The following CSMD1 variants were observed in gnomAD, a reference collection of about 807,000 sequenced individuals.
The protein encoded by CSMD1 is CUB and sushi domain-containing protein 1.
Under a neutral mutation model 417.5 loss-of-function variants are expected in CSMD1, and 213 were observed. The ratio of observed to expected loss-of-function variants is 0.51; its 90% confidence interval spans 0.46 to 0.57. CSMD1 has a LOEUF of 0.57. Among genes scored for constraint, CSMD1 ranks in the 20% least tolerant of loss-of-function variants. The pLI, the probability that CSMD1 is intolerant of heterozygous loss-of-function variation, is 0.00. For synonymous variants in CSMD1, 2,862 were observed against 1,736.8 expected (o/e 1.65, Z -16.11); for missense variants, 6,923 against 4,529.7 (o/e 1.53, Z -15.17).
chr8:4,003,549 G>C (rs1313374996), intron 4 of CSMD1, among the ~76,000 whole-genome samples: 2 of 151,962 alleles, frequency 1.3e-5, no homozygotes, highest in Admixed American at 6.6e-5. Context: ...ACAAACACAG[G>C]TGAAGTTTCA....
At chr8:4,315,985 T>C (rs1213134877) in intron 3 of CSMD1, among the ~76,000 whole-genome samples, 9 of 152,178 alleles carry the variant, frequency 5.9e-5, no homozygotes, top group Admixed American at 4.6e-4. Flanking sequence ...AATGTCATCT[T>C]TTATTCTTTT....
chr8:3,295,307 T>C (rs1803885010), intron 25 of CSMD1, among the ~76,000 whole-genome samples: 1 of 151,854 alleles, frequency 6.6e-6, no homozygotes, highest in East Asian at 1.9e-4. Context: ...TTGTATTTTT[T>C]AGTAGACACG....
intron 3 of CSMD1, among the ~76,000 whole-genome samples, chr8:4,162,378 T>C (rs1797225436): frequency 6.6e-6 from 1 of 152,222 alleles, no homozygotes; most frequent in Admixed American, 6.5e-5. Context: ...CAAATGTTTT[T>C]TGGTTTTATC....
At chr8:4,232,052 G>T (rs998956149) in intron 3 of CSMD1, among the ~76,000 whole-genome samples, 7 of 152,144 alleles carry the variant, frequency 4.6e-5, no homozygotes, top group Non-Finnish European at 5.9e-5. Context: ...ATACTATGAG[G>T]TGTTAGAAGA....
intron 5 of CSMD1, among the ~76,000 whole-genome samples, chr8:3,977,765 A>C (rs1190165762): frequency 6.6e-6 from 1 of 152,226 alleles, no homozygotes; most frequent in African/African-American, 2.4e-5. Context: ...ATCTGCATGT[A>C]TGCTTAGTTA....
intron 3 of CSMD1, among the ~76,000 whole-genome samples, chr8:4,184,654 A>T (rs1049384560): frequency 6.6e-6 from 1 of 152,168 alleles, no homozygotes; most frequent in African/African-American, 2.4e-5. Context: ...GAGCTAAAGG[A>T]AGACAGATGG....
chr8:4,968,395 CTG>C (rs1810017591), intron 1 of CSMD1, among the ~76,000 whole-genome samples: 1 of 151,830 alleles, frequency 6.6e-6, no homozygotes, highest in Non-Finnish European at 1.5e-5. Flanking sequence ...AAATCTGTAA[CTG>C]TTAAAAAAAA....
At chr8:4,897,814 A>C (rs571471355) in intron 1 of CSMD1, among the ~76,000 whole-genome samples, 1 of 152,148 alleles carries the variant, frequency 6.6e-6, no homozygotes, top group Non-Finnish European at 1.5e-5. Context: ...AGAGACAGAG[A>C]CTTAAATAAG....
intron 17 of CSMD1, among the ~76,000 whole-genome samples, chr8:3,389,806 C>A (rs923439802): frequency 6.6e-6 from 1 of 152,282 alleles, no homozygotes; most frequent in Non-Finnish European, 1.5e-5. Flanking sequence ...TGAATAAACT[C>A]TTAAGGTCAC....
At chr8:3,069,493 C>G (rs1185643366) in intron 49 of CSMD1, among the ~76,000 whole-genome samples, 1 of 151,974 alleles carries the variant, frequency 6.6e-6, no homozygotes, top group Non-Finnish European at 1.5e-5. Flanking sequence ...AGTTTGACAC[C>G]CAGCAGGGCA....
chr8:3,912,197 T>A (rs1808507657), intron 5 of CSMD1, among the ~76,000 whole-genome samples: 1 of 152,174 alleles, frequency 6.6e-6, no homozygotes, highest in South Asian at 2.1e-4. Flanking sequence ...TTCAGAGAAA[T>A]CGTTTTCTAA....
At chr8:4,329,807 T>G (rs571344479) in intron 3 of CSMD1, among the ~76,000 whole-genome samples, 1 of 151,834 alleles carries the variant, frequency 6.6e-6, no homozygotes, top group East Asian at 2.0e-4. Flanking sequence ...CAAGTTCTCA[T>G]GAGATGTGGT....
Position 3,387,509 on chromosome 8 carries a change from A to C in CSMD1, c.2767T>G (p.Leu923Val). 1 of 1,601,150 alleles carries C rather than the reference A, an allele frequency of 6.2e-7. No homozygotes were observed. Among genetic ancestry groups the C allele is most frequent in the Non-Finnish European group, 8.5e-7 (1 of 1,173,794 alleles). The change falls in exon 18 of 70, where the codon TTG (leucine) becomes GTG (valine). Residue 923 changes from leucine (L) to valine (V), a missense_variant. By Grantham distance (32) the Leu-to-Val change is conservative. Transcript: ENST00000635120. ...CTGTACCTACCGTCGCAGCTGGGCA[A>C]GGCGTGGTTCCACTGGTGGTTCCTC... The part of the protein sequence containing the change: ...CERNHQWNHA[L>V]PSCDALCGGY...
chr8:4,407,977 A>G (rs1284254585), intron 3 of CSMD1, among the ~76,000 whole-genome samples: 1 of 152,142 alleles, frequency 6.6e-6, no homozygotes, highest in African/African-American at 2.4e-5. Flanking sequence ...CACCCGGCAA[A>G]AATCACAGGA....
chr8:4,217,474 C>T (rs990918120), intron 3 of CSMD1, among the ~76,000 whole-genome samples: 1 of 152,112 alleles, frequency 6.6e-6, no homozygotes, highest in African/African-American at 2.4e-5. Context: ...GAATTAAACA[C>T]AGGTAAGGGT....
chr8:3,794,950 A>C (rs1453752885), intron 5 of CSMD1, among the ~76,000 whole-genome samples: 2 of 151,766 alleles, frequency 1.3e-5, no homozygotes, highest in African/African-American at 4.8e-5. Context: ...ATAGCTATAG[A>C]TATATATCTA....
intron 54 of CSMD1, among the ~76,000 whole-genome samples, chr8:2,993,255 A>G (rs1204892581): frequency 6.6e-6 from 1 of 152,198 alleles, no homozygotes; most frequent in East Asian, 1.9e-4. Context: ...AATTGGAGAC[A>G]CTTTTCCAAA....
chr8:3,673,429 T>C (rs1158099853), intron 7 of CSMD1, among the ~76,000 whole-genome samples: 1 of 152,226 alleles, frequency 6.6e-6, no homozygotes, highest in Non-Finnish European at 1.5e-5. Flanking sequence ...CAACTCCCCT[T>C]GGTCTCTGGG....
intron 4 of CSMD1, among the ~76,000 whole-genome samples, chr8:4,022,991 G>A (rs2130514902): frequency 1.3e-5 from 2 of 152,292 alleles, no homozygotes; most frequent in East Asian, 1.9e-4. Context: ...TGGCAAAGAT[G>A]GGACAGTCTT....
Sources: gnomAD v4.1 joint callset for allele counts (sites outside exome capture counted in the v4.1 genomes callset) on GRCh38, gnomAD v4.1.1 for gene constraint, MANE v1.5 for transcripts, NCBI Gene and HGNC (gene_info 2026-07-23, HGNC 2026-07-21) for gene names.